ARK2C: variants seen among roughly 807,000 people sequenced by gnomAD.
ARK2C encodes E3 ubiquitin-protein ligase ARK2C.
chr18:46,346,689 T>A, the ARK2C span, among the ~76,000 whole-genome samples: 162 of 152,340 alleles, frequency 1.1e-3, no homozygotes, highest in East Asian at 0.011. Flanking sequence ...CTCACTCATA[T>A]AAAGTACGAG....
the ARK2C span, among the ~76,000 whole-genome samples, chr18:46,418,190 A>G: frequency 6.6e-6 from 1 of 151,984 alleles, no homozygotes; most frequent in Non-Finnish European, 1.5e-5. Flanking sequence ...TCTCTACAAA[A>G]AATAAAAAAT....
At chr18:46,442,036 G>T in the ARK2C span, among the ~76,000 whole-genome samples, 1 of 150,816 alleles carries the variant, frequency 6.6e-6, no homozygotes. Context: ...GGTGGCGCGC[G>T]CCTGTAGTCC....
At chr18:46,368,060 C>G in the ARK2C span, among the ~76,000 whole-genome samples, 76 of 152,258 alleles carry the variant, frequency 5.0e-4, 1 homozygote, top group South Asian at 0.015. Flanking sequence ...GGATTAGAAT[C>G]TTGGGTTGGG....
chr18:46,336,401 A>G, the ARK2C span: 1 of 985,206 alleles, frequency 1.0e-6, no homozygotes, highest in Non-Finnish European at 1.2e-6. Flanking sequence ...AAATCCAACA[A>G]CACAAATTCT....
chr18:46,337,874 G>T, the ARK2C span, among the ~76,000 whole-genome samples: 8 of 151,000 alleles, frequency 5.3e-5, no homozygotes, highest in Non-Finnish European at 7.4e-5. Context: ...CACAATAGAT[G>T]TCTGGAGCGA....
the ARK2C span, among the ~76,000 whole-genome samples, chr18:46,414,202 CTGAT>C: frequency 6.6e-6 from 1 of 152,242 alleles, no homozygotes; most frequent in Non-Finnish European, 1.5e-5. Flanking sequence ...TAGTGAGTGA[CTGAT>C]TAAGACGGGA....
the ARK2C span, chr18:46,337,267 T>G: frequency 5.1e-6 from 5 of 985,474 alleles, no homozygotes; most frequent in Non-Finnish European, 6.0e-6. Context: ...TGGTTTTCCA[T>G]TAAACAGGGG....
At chr18:46,439,578 C>T in the ARK2C span, among the ~76,000 whole-genome samples, 1 of 152,296 alleles carries the variant, frequency 6.6e-6, no homozygotes, top group Admixed American at 6.5e-5. Flanking sequence ...CTGCTTGCAG[C>T]ATATTTTCTC....
the ARK2C span, among the ~76,000 whole-genome samples, chr18:46,416,050 CTAATTAACATGT>C: frequency 2.0e-5 from 3 of 152,096 alleles, no homozygotes; most frequent in Non-Finnish European, 2.9e-5. Flanking sequence ...ATTTTCATGG[CTAATTAACATGT>C]CATGGGGGTG....
the ARK2C span, among the ~76,000 whole-genome samples, chr18:46,357,839 G>C: frequency 2.0e-5 from 3 of 152,240 alleles, no homozygotes; most frequent in South Asian, 2.1e-4. Context: ...CAATCAAGCT[G>C]TCCGCGGGGC....
chr18:46,449,809 T>A, the ARK2C span, among the ~76,000 whole-genome samples: 2 of 152,162 alleles, frequency 1.3e-5, no homozygotes, highest in Non-Finnish European at 2.9e-5. Flanking sequence ...TCCTTTTTTT[T>A]AAGTTACCCA....
chr18:46,410,452 C>T, the ARK2C span, among the ~76,000 whole-genome samples: 46 of 152,330 alleles, frequency 3.0e-4, no homozygotes, highest in South Asian at 7.9e-3. Flanking sequence ...GGACTGAACC[C>T]GTTAGGCTGT....
At chr18:46,459,459 C>G in the ARK2C span, 2 of 152,294 alleles carry the variant, frequency 1.3e-5, no homozygotes, top group Non-Finnish European at 2.9e-5. Flanking sequence ...TCAGACTGGG[C>G]TGGGGGCACA....
chr18:46,399,391 C>G, the ARK2C span, among the ~76,000 whole-genome samples: 1 of 152,228 alleles, frequency 6.6e-6, no homozygotes, highest in African/African-American at 2.4e-5. Flanking sequence ...CCCCGCCCCC[C>G]ATTTTAGGCT....
chr18:46,336,707 T>G, the ARK2C span: 1 of 985,448 alleles, frequency 1.0e-6, no homozygotes, highest in Non-Finnish European at 1.2e-6. Flanking sequence ...TCATCTTGTT[T>G]AGCCGAGTAC....
At chr18:46,345,198 G>A in the ARK2C span, among the ~76,000 whole-genome samples, 3 of 152,226 alleles carry the variant, frequency 2.0e-5, no homozygotes, top group African/African-American at 2.4e-5. Context: ...GTTTGCGCCC[G>A]CTGGAACCTG....
At chr18:46,393,144 A>G in the ARK2C span, among the ~76,000 whole-genome samples, 3 of 152,072 alleles carry the variant, frequency 2.0e-5, no homozygotes, top group East Asian at 5.8e-4. Flanking sequence ...TTCTGATCAG[A>G]TTTACTGACA....
chr18:46,351,277 G>A, the ARK2C span, among the ~76,000 whole-genome samples: 1 of 152,178 alleles, frequency 6.6e-6, no homozygotes, highest in Non-Finnish European at 1.5e-5. Context: ...GTGGAGCTCG[G>A]GACTTCCCTC....
At chr18:46,412,552 G>A in the ARK2C span, among the ~76,000 whole-genome samples, 1 of 152,230 alleles carries the variant, frequency 6.6e-6, no homozygotes, top group Non-Finnish European at 1.5e-5. Flanking sequence ...CAGGGAGGCC[G>A]ATGTCCAGTC....
Sources: gnomAD v4.1 joint callset for allele counts (sites outside exome capture counted in the v4.1 genomes callset) on GRCh38, gnomAD v4.1.1 for gene constraint, MANE v1.5 for transcripts, NCBI Gene and HGNC (gene_info 2026-07-23, HGNC 2026-07-21) for gene names.